The following ANKIB1 variants were observed in gnomAD, a reference collection of about 807,000 sequenced individuals.
ANKIB1 encodes the protein ankyrin repeat and IBR domain containing 1.
Under a neutral mutation model 122.1 loss-of-function variants are expected in ANKIB1, and 43 were observed. The ratio of observed to expected loss-of-function variants is 0.35; its 90% CI spans 0.28 to 0.45. The LOEUF (loss-of-function observed/expected upper bound fraction) is 0.45. Among genes scored for constraint, ANKIB1 ranks in the 20% least tolerant of loss-of-function variants. The pLI, the probability that ANKIB1 is intolerant of heterozygous loss-of-function variation, is 1.00. For synonymous variants in ANKIB1, 390 were observed against 442.0 expected (o/e 0.88, Z 1.48); for missense variants, 992 against 1,329.5 (o/e 0.75, Z 3.95).
chr7:92,352,332 T>C (rs1803682720), intron 8 of ANKIB1, 144 bp from the exon 9 acceptor site: 2 of 831,524 alleles, frequency 2.4e-6, no homozygotes, highest in Non-Finnish European at 1.8e-6. Flanking sequence ...ACTATTTAAA[T>C]TTCTTGAGAC....
intron 14 of ANKIB1, among the ~76,000 whole-genome samples, chr7:92,389,711 G>A (rs977278724): frequency 3.9e-5 from 6 of 152,106 alleles, no homozygotes; most frequent in Non-Finnish European, 8.8e-5. Context: ...ATGAGTATGT[G>A]CATTCCTTTA....
At chr7:92,298,489 T>C (rs1048987715) in intron 2 of ANKIB1, among the ~76,000 whole-genome samples, 3 of 152,062 alleles carry the variant, frequency 2.0e-5, no homozygotes, top group Non-Finnish European at 4.4e-5. Context: ...ATATACTTTA[T>C]ATAAATGGAA....
intron 5 of ANKIB1, among the ~76,000 whole-genome samples, chr7:92,334,846 A>AT (rs1803253305): frequency 1.3e-5 from 2 of 151,752 alleles, no homozygotes; most frequent in South Asian, 4.1e-4. Flanking sequence ...TGTTTGCACC[A>AT]TTTTTTTCTT....
At chr7:92,314,362 A>T (rs1802750622) in intron 3 of ANKIB1, among the ~76,000 whole-genome samples, 1 of 152,078 alleles carries the variant, frequency 6.6e-6, no homozygotes, top group South Asian at 2.1e-4. Flanking sequence ...ATATGATGAG[A>T]TTAGCCTGAT....
Position 92,398,640 on chromosome 7 carries a change from G to A in ANKIB1, c.2961G>A (p.Leu987=). The A allele has an allele frequency of 6.2e-7, 1 of 1,613,904 alleles. No homozygotes were observed. Among genetic ancestry groups the A allele is most frequent in the Non-Finnish European group, 8.5e-7 (1 of 1,179,870 alleles). ...ACATGAACCCTCAGAGTATTGCCCT[G>A]ATTCCTCCAGCAACTACAGAAATCA... ...FHDMNPQSIA[L]IPPATTEISA... Residue 987 remains leucine, a synonymous_variant, in exon 20 of 20, where the codon CTG becomes CTA. Transcript: ENST00000265742.
In ANKIB1 at chr7:92,384,365, T is replaced by C. The variant is rs928844478; in HGVS notation, c.1618-2144T>C. 1.3e-4 allele frequency among the ~76,000 whole-genome samples: 20 copies of C among 152,096 alleles called. 1 individual carries two copies. The highest frequency in any genetic ancestry group is 9.6e-4 in the East Asian group (5 of 5,192). On this transcript the variant is annotated intron_variant, in intron 11 of 19. Coordinates refer to ENST00000265742, the MANE Select transcript of ANKIB1 (RefSeq NM_019004.2). Reference sequence around the variant, plus strand: ...CCATCAAGCTACCAATGACTTTCTTTACAGAATTGGAAAAAACTACTTTAA... The same window carrying C: ...CCATCAAGCTACCAATGACTTTCTTCACAGAATTGGAAAAAACTACTTTAA...
intron 1 of ANKIB1, among the ~76,000 whole-genome samples, chr7:92,278,533 C>T (rs950206856): frequency 6.6e-6 from 1 of 152,142 alleles, no homozygotes; most frequent in Non-Finnish European, 1.5e-5. Flanking sequence ...AAAATGTGTC[C>T]CATTTAACAA....
At chr7:92,332,807 C>G (rs938332212) in intron 5 of ANKIB1, among the ~76,000 whole-genome samples, 1 of 152,148 alleles carries the variant, frequency 6.6e-6, no homozygotes, top group Non-Finnish European at 1.5e-5. Flanking sequence ...CATTTCTCCC[C>G]CCTGGACTAG....
intron 11 of ANKIB1, among the ~76,000 whole-genome samples, chr7:92,381,380 AAC>A (rs1383780517): frequency 2.6e-5 from 4 of 152,194 alleles, no homozygotes; most frequent in Admixed American, 6.5e-5. Flanking sequence ...AAGTTCAGGA[AAC>A]ACAGAGAACA....
At position 92,319,869 on chromosome 7, in the gene ANKIB1, A is replaced by G. The variant is rs75124428; in HGVS notation, c.669+357A>G. 0.014 allele frequency: 2,639 copies of G among 193,966 alleles called. 187 individuals carry two copies. In the East Asian group the frequency reaches 0.22, roughly 16 times the overall value. The allele number at this position is 193,966 out of a possible 1,614,324, so 12.0% of individuals were successfully genotyped here. On this transcript the variant is annotated intron_variant, in intron 4 of 19. Coordinates refer to ENST00000265742, the MANE Select transcript of ANKIB1 (RefSeq NM_019004.2). ...AGGATCACTTGAGTCCAAGAGTTCA[A>G]GGCTGCCATGAGCTATGATCATGCC...
intron 11 of ANKIB1, among the ~76,000 whole-genome samples, chr7:92,372,992 T>C (rs919416631): frequency 6.6e-6 from 1 of 152,162 alleles, no homozygotes; most frequent in South Asian, 2.1e-4. Flanking sequence ...CTTTGAGGCT[T>C]AATGATTATT....
rs375478157 is a variant in ANKIB1, at chr7:92,372,627, T to C, written c.1617+1020T>C. On this transcript the variant is annotated intron_variant, in intron 11 of 19. Transcript: ENST00000265742. Reference sequence around the variant, plus strand: ...ATTCACTTGGCTGAAAAATACTTAATATAAATGATTAATGTTAGAGGTCAA... The same window carrying C: ...ATTCACTTGGCTGAAAAATACTTAACATAAATGATTAATGTTAGAGGTCAA... Among the ~76,000 whole-genome samples, 4 of 151,908 alleles carry C rather than the reference T, an allele frequency of 2.6e-5. 1 individual carries two copies.
At chr7:92,336,774 G>C (rs572023698) in intron 5 of ANKIB1, among the ~76,000 whole-genome samples, 1 of 152,196 alleles carries the variant, frequency 6.6e-6, no homozygotes, top group African/African-American at 2.4e-5. Context: ...TGTACAAATA[G>C]AAACTCAAAC....
chr7:92,345,465 A>T (rs1803518872), intron 7 of ANKIB1, among the ~76,000 whole-genome samples: 1 of 152,248 alleles, frequency 6.6e-6, no homozygotes, highest in South Asian at 2.1e-4. Flanking sequence ...ATCTTTAAGA[A>T]TATAGATGTT....
At chr7:92,304,905 T>C (rs1184969715) in intron 2 of ANKIB1, among the ~76,000 whole-genome samples, 2 of 152,174 alleles carry the variant, frequency 1.3e-5, no homozygotes, top group African/African-American at 4.8e-5. Flanking sequence ...AATGTTAGAA[T>C]TATTCCATGT....
chr7:92,377,769 G>T (rs1253402923), intron 11 of ANKIB1, among the ~76,000 whole-genome samples: 1 of 152,074 alleles, frequency 6.6e-6, no homozygotes, highest in Non-Finnish European at 1.5e-5. Flanking sequence ...TCCTAGAAGA[G>T]ATAGAGTATC....
intron 8 of ANKIB1, among the ~76,000 whole-genome samples, chr7:92,352,248 TA>T (rs2131985412): frequency 6.6e-6 from 1 of 152,330 alleles, no homozygotes; most frequent in Admixed American, 6.5e-5. Context: ...AAAGAAAACA[TA>T]AATTTTAAAA....
At chr7:92,267,302 G>A (rs915046248) in intron 1 of ANKIB1, among the ~76,000 whole-genome samples, 3 of 152,086 alleles carry the variant, frequency 2.0e-5, no homozygotes, top group Admixed American at 1.3e-4. Flanking sequence ...TTCACAAAGT[G>A]AACACAACTA....
At position 92,391,171 on chromosome 7, in the gene ANKIB1, C is replaced by T; in HGVS notation, c.2058C>T (p.Asp686=). 1 of 1,609,512 alleles carries T rather than the reference C, an allele frequency of 6.2e-7. No individual in the cohort carries two copies. The highest frequency in any genetic ancestry group is 1.1e-5 in the South Asian group (1 of 90,522). ...KKEIFELMQT[D]LEMVTEDLAQ... ...TTTTTCTCTGCTTACTATAGACAGA[C>T]CTAGAAATGGTCACTGAAGACCTTG... The change falls in exon 16 of 20, where the codon GAC becomes GAT. Residue 686 remains aspartate, a synonymous_variant. Coordinates refer to ENST00000265742, the MANE Select transcript of ANKIB1 (RefSeq NM_019004.2).
Sources: gnomAD v4.1 joint callset for allele counts (sites outside exome capture counted in the v4.1 genomes callset) on GRCh38, gnomAD v4.1.1 for gene constraint, MANE v1.5 for transcripts, NCBI Gene and HGNC (gene_info 2026-07-23, HGNC 2026-07-21) for gene names.